Variants in UQCC1 observed in about 807,000 individuals in gnomAD.
The protein encoded by UQCC1 is bFGF-repressed Zic-binding protein.
UQCC1 carries 38 observed loss-of-function variants against 48.0 expected under a neutral mutation model. The observed-to-expected ratio is 0.79, with a 90% CI of 0.61 to 1.04. UQCC1 has a LOEUF of 1.04. Among genes scored for constraint, UQCC1 ranks in the 50% least tolerant of loss-of-function variants. UQCC1 has a pLI of 0.00. For missense variants in UQCC1, 368 were observed against 381.8 expected (o/e 0.96, Z 0.30); for synonymous variants, 111 against 129.2 (o/e 0.86, Z 0.95).
At chr20:35,399,581 C>T (rs370618786) in intron 1 of UQCC1, among the ~76,000 whole-genome samples, 1 of 152,100 alleles carries the variant, frequency 6.6e-6, no homozygotes, top group Non-Finnish European at 1.5e-5. Context: ...CTAGGCCGGG[C>T]GCAGTGGCTC....
intron 8 of UQCC1, among the ~76,000 whole-genome samples, chr20:35,309,649 C>A (rs2060968884): frequency 6.6e-6 from 1 of 152,140 alleles, no homozygotes; most frequent in Admixed American, 6.5e-5. Flanking sequence ...TACTTGTTTT[C>A]CCTCGTGACA....
intron 7 of UQCC1, among the ~76,000 whole-genome samples, chr20:35,333,982 T>C (rs2061287402): frequency 6.6e-6 from 1 of 152,308 alleles, no homozygotes; most frequent in African/African-American, 2.4e-5. Flanking sequence ...GGGGGCAGTT[T>C]AGAACACAAA....
chr20:35,321,846 A>G (rs751382111), intron 7 of UQCC1, among the ~76,000 whole-genome samples: 6 of 152,226 alleles, frequency 3.9e-5, no homozygotes, highest in African/African-American at 7.2e-5. Flanking sequence ...CAGCAGCCCT[A>G]ATTTCTATAT....
At chr20:35,347,003 T>TC in intron 7 of UQCC1, 161 bp downstream of exon 7, 1 of 1,558,770 alleles carries the variant, frequency 6.4e-7, no homozygotes, top group South Asian at 1.2e-5. Context: ...AGTATTAGTT[T>TC]CCACAGAGGC....
chr20:35,400,426 G>A (rs1176010784), intron 1 of UQCC1, among the ~76,000 whole-genome samples: 1 of 151,572 alleles, frequency 6.6e-6, no homozygotes, highest in Non-Finnish European at 1.5e-5. Context: ...TAAATGCACT[G>A]TTACTAAGTG....
intron 1 of UQCC1, among the ~76,000 whole-genome samples, chr20:35,397,506 A>G (rs1419760729): frequency 1.4e-5 from 2 of 146,214 alleles, no homozygotes; most frequent in African/African-American, 2.5e-5. Flanking sequence ...ACAGAGCGAG[A>G]CTGTCTCAAA....
chr20:35,345,194 A>G (rs529814681), intron 7 of UQCC1: 95 of 152,354 alleles, frequency 6.2e-4, no homozygotes, highest in African/African-American at 2.2e-3. Flanking sequence ...CAGCAAATTA[A>G]TTGAACCAAA....
At chr20:35,308,617 A>C (rs1454940052) in intron 8 of UQCC1, among the ~76,000 whole-genome samples, 1 of 152,230 alleles carries the variant, frequency 6.6e-6, no homozygotes, top group Non-Finnish European at 1.5e-5. Context: ...AGTGAGAACA[A>C]CCCAACTGTT....
At chr20:35,344,737 G>A (rs2061414808) in intron 7 of UQCC1, 1 of 152,290 alleles carries the variant, frequency 6.6e-6, no homozygotes, top group African/African-American at 2.4e-5. Flanking sequence ...CTCCCTTCCT[G>A]GCATACAACT....
At chr20:35,387,798 C>CTT (rs11471118) in intron 2 of UQCC1, among the ~76,000 whole-genome samples, 2 of 146,638 alleles carry the variant, frequency 1.4e-5, no homozygotes, top group Admixed American at 6.7e-5. Context: ...TTTAGGACAA[C>CTT]TTTTTTTTTT....
At chr20:35,402,405 C>T (rs548564414) in intron 1 of UQCC1, among the ~76,000 whole-genome samples, 1 of 151,902 alleles carries the variant, frequency 6.6e-6, no homozygotes, top group African/African-American at 2.4e-5. Context: ...GGTGAAACCC[C>T]GTCTCTACTA....
intron 6 of UQCC1, among the ~76,000 whole-genome samples, chr20:35,360,761 C>T (rs2061597021): frequency 6.6e-6 from 1 of 152,100 alleles, no homozygotes; most frequent in Admixed American, 6.5e-5. Context: ...TGTGGCCTCT[C>T]CCAGGACACA....
At chr20:35,341,961 G>A (rs982862598) in intron 7 of UQCC1, among the ~76,000 whole-genome samples, 1 of 152,078 alleles carries the variant, frequency 6.6e-6, no homozygotes, top group Admixed American at 6.5e-5. Context: ...TTGGAGAGGT[G>A]GTCTGGAGTG....
Position 35,388,303 on chromosome 20 carries a change from T to TC in UQCC1, c.130-4171_130-4170insG, listed in dbSNP as rs1428181548. Among the ~76,000 whole-genome samples, 13 of 41,336 alleles carry TC rather than the reference T, an allele frequency of 3.1e-4. No individual in the cohort carries two copies. The East Asian group carries it at 4.2e-3, about 13-fold the overall frequency. The allele number at this position is 41,336 out of a possible 152,430, so 27.1% of individuals were successfully genotyped here. ...GCCCCTTCTATTTCTTTTTTTCTTT[T>TC]TTTTTGAGACAGGGTCTTGCTCTGT... On this transcript the variant is annotated intron_variant, in intron 2 of 9. Coordinates refer to ENST00000374385, the MANE Select transcript of UQCC1 (RefSeq NM_018244.5).
intron 7 of UQCC1, among the ~76,000 whole-genome samples, chr20:35,333,364 A>T (rs1316130137): frequency 1.3e-5 from 2 of 152,264 alleles, no homozygotes; most frequent in Admixed American, 6.5e-5. Flanking sequence ...AAAAGACTTA[A>T]GTAATAAAGT....
intron 6 of UQCC1, among the ~76,000 whole-genome samples, chr20:35,362,891 G>C (rs2061622144): frequency 6.6e-6 from 1 of 152,010 alleles, no homozygotes; most frequent in African/African-American, 2.4e-5. Context: ...AATTCAAATG[G>C]AATAGAAAAT....
intron 5 of UQCC1, among the ~76,000 whole-genome samples, chr20:35,369,834 A>G (rs1305073072): frequency 1.3e-5 from 2 of 152,236 alleles, no homozygotes. Flanking sequence ...CCCACTAATT[A>G]TTTCAGATTG....
intron 4 of UQCC1, among the ~76,000 whole-genome samples, chr20:35,374,607 T>TA (rs2061775256): frequency 6.6e-6 from 1 of 152,176 alleles, no homozygotes; most frequent in Non-Finnish European, 1.5e-5. Context: ...AAATCCTTTA[T>TA]AGTAAAAAAG....
chr20:35,373,729 A>G (rs902676664), intron 5 of UQCC1, among the ~76,000 whole-genome samples: 2 of 151,752 alleles, frequency 1.3e-5, no homozygotes, highest in African/African-American at 4.8e-5. Flanking sequence ...GTAAAACAGA[A>G]TATGTTTACT....
Sources: allele counts gnomAD v4.1 joint callset (sites outside exome capture counted in the v4.1 genomes callset), GRCh38; gene constraint gnomAD v4.1.1; transcripts MANE v1.5; gene names NCBI Gene and HGNC (gene_info 2026-07-23, HGNC 2026-07-21).